Variants in PITPNM2 observed in about 807,000 individuals in gnomAD.
PITPNM2 encodes membrane-associated phosphatidylinositol transfer protein 2.
In PITPNM2, 35 loss-of-function variants were observed where a neutral mutation model predicts 132.2. The observed-to-expected ratio is 0.26, with a 90% CI of 0.20 to 0.35. PITPNM2 has a LOEUF of 0.35. Ranked by LOEUF, PITPNM2 falls within the 10% of genes least tolerant of loss-of-function variation. The pLI, the probability that PITPNM2 is intolerant of heterozygous loss-of-function variation, is 1.00. For synonymous variants in PITPNM2, 738 were observed against 799.2 expected (o/e 0.92, Z 1.29); for missense variants, 1,332 against 1,912.0 (o/e 0.70, Z 5.66).
At position 123,012,740 on chromosome 12, in the gene PITPNM2, C is replaced by A; in HGVS notation, c.294-6G>T. The A allele has an allele frequency of 2.5e-6, 4 of 1,613,632 alleles. No homozygotes were observed. Among genetic ancestry groups the A allele is most frequent in the Non-Finnish European group, 3.4e-6 (4 of 1,179,690 alleles). The stretch of plus-strand genomic sequence containing the variant: ...CCACGAAAGGACAGGTGAACCTGTG[C>A]GGAAAGGAAAGCACTCATCAGGACC... On this transcript the variant is annotated splice_region_variant and splice_polypyrimidine_tract_variant and intron_variant, in intron 4 of 25. Coordinates refer to ENST00000320201, the MANE Select transcript of PITPNM2 (RefSeq NM_020845.3).
chr12:123,101,459 G>C (rs1566293729), intron 2 of PITPNM2, among the ~76,000 whole-genome samples: 2 of 152,224 alleles, frequency 1.3e-5, no homozygotes, highest in African/African-American at 4.8e-5. Flanking sequence ...AAACTAGAAA[G>C]ACGGCAATGC....
rs2038954469 is a variant in PITPNM2, at chr12:123,006,814, A to G, written c.644-1266T>C. Among the ~76,000 whole-genome samples the G allele has an allele frequency of 3.9e-5, 6 of 152,038 alleles. No individual in the cohort carries two copies. The South Asian group carries it at 1.2e-3, about 32-fold the overall frequency. On this transcript the variant is annotated intron_variant, in intron 6 of 25. Transcript: ENST00000320201. ...CTTGGGCCAGGGTGGGATGGGGATG[A>G]CAGTGAAATGGGAACAAAGGACCTT...
chr12:123,145,133 A>G (rs982784920), intron 1 of PITPNM2, among the ~76,000 whole-genome samples: 1 of 152,140 alleles, frequency 6.6e-6, no homozygotes, highest in Non-Finnish European at 1.5e-5. Context: ...CAATGATTGC[A>G]CCACTGCACT....
In PITPNM2 at chr12:122,997,414, G is replaced by A. The variant is rs147468917; in HGVS notation, c.1383C>T (p.Arg461=). ...GGCCCAGGGCGCTGGGGTAGTGCAC[G>A]CGCATGACGGTGTCGAACACGTTGG... ...TIANVFDTVM[R]VHYPSALGRL... is the part of the protein sequence containing the mutation. Residue 461 remains arginine, a synonymous_variant, in exon 11 of 26, where the codon CGC becomes CGT. Coordinates refer to ENST00000320201, the MANE Select transcript of PITPNM2 (RefSeq NM_020845.3). 6.6e-5 allele frequency: 106 copies of A among 1,613,378 alleles called. No individual in the cohort carries two copies. Among genetic ancestry groups the A allele is most frequent in the Non-Finnish European group, 8.5e-5 (100 of 1,180,004 alleles).
At chr12:122,996,647 A>G in intron 12 of PITPNM2, 70 bp from the exon 13 acceptor site, 1 of 1,610,832 alleles carries the variant, frequency 6.2e-7, no homozygotes, top group Non-Finnish European at 8.5e-7. Context: ...GGAGGCCGTC[A>G]CCTTCCCCCT....
intron 2 of PITPNM2, among the ~76,000 whole-genome samples, chr12:123,047,757 G>GA (rs145507864): frequency 0.043 from 6,550 of 151,568 alleles, 467 homozygotes; most frequent in African/African-American, 0.15. Flanking sequence ...AACCTAATGA[G>GA]AAAAAAAGGG....
At position 122,983,809 on chromosome 12, in the gene PITPNM2, G is replaced by C. The variant is rs1365218486; in HGVS notation, c.*2218C>G. On this transcript the variant is annotated 3_prime_UTR_variant, in exon 26 of 26. Transcript: ENST00000320201. Reference sequence around the variant, plus strand: ...CTAAGGCTTCTATTCTAACAGGCCTGGGGGGTGGCAGTCAGCAAGGCCTGC... The same window carrying C: ...CTAAGGCTTCTATTCTAACAGGCCTCGGGGGTGGCAGTCAGCAAGGCCTGC... The C allele has an allele frequency of 6.6e-6, 1 of 152,654 alleles. No homozygotes were observed. Among genetic ancestry groups the C allele is most frequent in the Non-Finnish European group, 1.5e-5 (1 of 68,084 alleles). The allele number at this position is 152,654 out of a possible 1,614,324, so 9.5% of individuals were successfully genotyped here.
At chr12:123,068,364 C>T (rs994939319) in intron 2 of PITPNM2, among the ~76,000 whole-genome samples, 6 of 151,990 alleles carry the variant, frequency 3.9e-5, no homozygotes, top group Non-Finnish European at 7.4e-5. Flanking sequence ...AGGAGAATGG[C>T]GTGAACCTGG....
intron 3 of PITPNM2, among the ~76,000 whole-genome samples, chr12:123,033,618 T>C (rs1293246408): frequency 6.6e-6 from 1 of 152,196 alleles, no homozygotes; most frequent in African/African-American, 2.4e-5. Flanking sequence ...AGCTGGGAGC[T>C]AGGAGACAGG....
At position 123,128,264 on chromosome 12, in the gene PITPNM2, C is replaced by CAAAA. The variant is rs1170397011; in HGVS notation, c.-199-17780_-199-17777dup. On this transcript the variant is annotated intron_variant, in intron 1 of 25. Coordinates refer to ENST00000320201, the MANE Select transcript of PITPNM2 (RefSeq NM_020845.3). ...TAAACATGGCGAAACCCCATCTCTA[C>CAAAA]AAAAAAAAAAAAAAAAAAAAAAAAA... Among the ~76,000 whole-genome samples, 58 of 22,752 alleles carry CAAAA rather than the reference C, an allele frequency of 2.5e-3. 24 individuals are homozygous for CAAAA. Among genetic ancestry groups the CAAAA allele is most frequent in the South Asian group, 4.6e-3 (2 of 438 alleles). 14.9% of individuals were successfully genotyped at this position (22,752 alleles called of 152,430 possible).
chr12:122,986,284 G>C lies in PITPNM2; in HGVS notation c.3793C>G (p.Arg1265Gly). 2 of 1,583,162 alleles carry C rather than the reference G, an allele frequency of 1.3e-6. No individual in the cohort carries two copies. Among genetic ancestry groups the C allele is most frequent in the Non-Finnish European group, 8.6e-7 (1 of 1,169,268 alleles). ...AGCGCCATGCGGGTGGCCGTGTTGC[G>C]AGCGGGCCGCGCCCGGTGGCTGTAC... ...LKYSHRARPA[R>G]NTATRMALRK... The change falls in exon 26 of 26, where the codon CGC becomes GGC. Residue 1265 changes from arginine (R) to glycine (G), a missense_variant. Around this residue, in one of 6 missense-constraint regions of PITPNM2, gnomAD observed 163 missense variants for 177.2 expected, o/e 0.92. Transcript: ENST00000320201.
chr12:123,081,515 T>C (rs1445213144), intron 2 of PITPNM2: 3 of 151,170 alleles, frequency 2.0e-5, no homozygotes, highest in African/African-American at 7.3e-5. Context: ...ACTCAGGGAG[T>C]TTCACATAGC....
chr12:123,016,564 C>T (rs889588032), intron 3 of PITPNM2, among the ~76,000 whole-genome samples: 3 of 147,978 alleles, frequency 2.0e-5, no homozygotes, highest in African/African-American at 5.0e-5. Context: ...ATCCGCTCGC[C>T]TCGGCCTAAG....
chr12:123,125,870 T>C (rs1447503483), intron 1 of PITPNM2, among the ~76,000 whole-genome samples: 1 of 94,602 alleles, frequency 1.1e-5, no homozygotes, highest in African/African-American at 3.7e-5. Flanking sequence ...TAGGGTTTTT[T>C]TTTTTTTTTT....
At chr12:123,054,713 T>C (rs1195406124) in intron 2 of PITPNM2, among the ~76,000 whole-genome samples, 3 of 152,252 alleles carry the variant, frequency 2.0e-5, no homozygotes, top group Non-Finnish European at 4.4e-5. Flanking sequence ...CATCTTGCTT[T>C]GACCTTCTGC....
intron 2 of PITPNM2, among the ~76,000 whole-genome samples, chr12:123,109,781 G>A (rs903612694): frequency 1.3e-5 from 2 of 152,180 alleles, no homozygotes; most frequent in Non-Finnish European, 2.9e-5. Flanking sequence ...TCTATAAACA[G>A]GAGAATAGCA....
chr12:123,119,942 G>C (rs906632396), intron 1 of PITPNM2, among the ~76,000 whole-genome samples: 1 of 152,152 alleles, frequency 6.6e-6, no homozygotes, highest in South Asian at 2.1e-4. Flanking sequence ...CCCACGTGAG[G>C]AGGCTGTGTC....
chr12:123,005,526 C>A lies in PITPNM2; in HGVS notation c.666G>T (p.Arg222=), dbSNP rs753730832. ...GCCAGCACCAGGCCTGCCGGTGAGC[C>A]CGCACCATCACCCTCCGTAGTCCTG... ...HDTGLRRVMV[R]AHRQAWCWQD... is the part of the protein sequence containing the mutation. The change falls in exon 7 of 26, where the codon CGG becomes CGT. Residue 222 remains arginine, a synonymous_variant. Transcript: ENST00000320201. The surrounding 1 kb of genome is among the most constrained non-coding windows in gnomAD (Gnocchi z 6.2). The A allele has an allele frequency of 1.9e-6, 3 of 1,613,736 alleles. No individual in the cohort carries two copies. The South Asian group carries it at 3.3e-5, about 18-fold the overall frequency.
intron 3 of PITPNM2, among the ~76,000 whole-genome samples, chr12:123,026,218 C>T (rs749205731): frequency 4.6e-5 from 7 of 152,182 alleles, no homozygotes; most frequent in South Asian, 2.1e-4. Flanking sequence ...CATGCCCTGG[C>T]GTAATGGGTG....
Sources: gnomAD v4.1 joint callset for allele counts (sites outside exome capture counted in the v4.1 genomes callset) on GRCh38, gnomAD v4.1.1 for gene constraint, gnomAD v4.1.1 regional missense constraint, Gnocchi (gnomAD v3.1) non-coding constraint, MANE v1.5 for transcripts, NCBI Gene and HGNC (gene_info 2026-07-23, HGNC 2026-07-21) for gene names.